The following PLSCR2 variants were observed in gnomAD, a reference collection of about 807,000 sequenced individuals.
The protein encoded by PLSCR2 is phospholipid scramblase 2.
In PLSCR2, 18 loss-of-function variants were observed where a neutral mutation model predicts 25.3. The ratio of observed to expected loss-of-function variants is 0.71; its 90% CI spans 0.49 to 1.06. The LOEUF (loss-of-function observed/expected upper bound fraction) is 1.06. Among genes scored for constraint, PLSCR2 ranks in the 50% least tolerant of loss-of-function variants. The probability of loss-of-function intolerance (pLI) is 0.00; values close to 1 mark genes in which losing one functional copy is unlikely to be tolerated. For synonymous variants in PLSCR2, 88 were observed against 87.3 expected (o/e 1.01, Z -0.04); for missense variants, 243 against 269.5 (o/e 0.90, Z 0.69).
intron 2 of PLSCR2, among the ~76,000 whole-genome samples, chr3:146,414,001 AGAAGGTG>A (rs71633965): frequency 0.52 from 78,291 of 151,316 alleles, 20,524 homozygotes; most frequent in South Asian, 0.71. Flanking sequence ...GTGAAGTCCA[AGAAGGTG>A]GAAGGTGGGG....
chr3:146,479,147 T>A (rs1576726610), intron 1 of PLSCR2, among the ~76,000 whole-genome samples: 1 of 152,012 alleles, frequency 6.6e-6, no homozygotes, highest in African/African-American at 2.4e-5. Context: ...CATGCCAAAT[T>A]ATAAAGACCA....
intron 2 of PLSCR2, among the ~76,000 whole-genome samples, chr3:146,410,111 G>A (rs929062245): frequency 1.3e-5 from 2 of 150,652 alleles, no homozygotes; most frequent in African/African-American, 4.9e-5. Context: ...AAGGGTTCAA[G>A]GAGTGAGAGC....
intron 2 of PLSCR2, among the ~76,000 whole-genome samples, chr3:146,412,167 C>T (rs754214492): frequency 6.6e-6 from 1 of 152,082 alleles, no homozygotes; most frequent in Non-Finnish European, 1.5e-5. Flanking sequence ...AGTTTTAGTC[C>T]ACCCAGTAGC....
intron 2 of PLSCR2, among the ~76,000 whole-genome samples, chr3:146,425,525 TGGAAGTG>T (rs1190608596): frequency 6.6e-6 from 1 of 152,158 alleles, no homozygotes; most frequent in Non-Finnish European, 1.5e-5. Context: ...CAACTGTATC[TGGAAGTG>T]GGGTGCTGCA....
intron 2 of PLSCR2, among the ~76,000 whole-genome samples, chr3:146,397,782 T>A (rs563677030): frequency 6.6e-6 from 1 of 152,218 alleles, no homozygotes; most frequent in African/African-American, 2.4e-5. Flanking sequence ...TTATGCATAG[T>A]CTACTCTGTT....
intron 2 of PLSCR2, among the ~76,000 whole-genome samples, chr3:146,420,682 T>C (rs1375473225): frequency 7.2e-5 from 11 of 152,226 alleles, no homozygotes; most frequent in African/African-American, 2.6e-4. Context: ...AATTTTTAAA[T>C]ATTGTCATGA....
At chr3:146,460,177 A>G (rs2041483196) in exon 1 of PLSCR2, 22 of 1,396,144 alleles carry the variant, frequency 1.6e-5, no homozygotes, top group Non-Finnish European at 2.1e-5. Flanking sequence ...CTGACCTCTC[A>G]GCTCAGAAGT....
chr3:146,458,811 T>G (rs985426974), intron 2 of PLSCR2, among the ~76,000 whole-genome samples: 2 of 152,100 alleles, frequency 1.3e-5, no homozygotes, highest in African/African-American at 4.8e-5. Context: ...GTTATTCATT[T>G]TACATCTACT....
At chr3:146,399,897 A>G (rs1028972987) in intron 2 of PLSCR2, among the ~76,000 whole-genome samples, 1 of 151,764 alleles carries the variant, frequency 6.6e-6, no homozygotes. Flanking sequence ...TGCTAAGTCA[A>G]TATGGTGGTA....
intron 1 of PLSCR2, chr3:146,494,747 A>C (rs2108594133): frequency 6.6e-6 from 1 of 152,336 alleles, no homozygotes. Flanking sequence ...TTAGTTGGAA[A>C]GTTCTCCTGA....
downstream of PLSCR2, among the ~76,000 whole-genome samples, chr3:146,430,798 C>T (rs868071988): frequency 2.0e-5 from 3 of 150,944 alleles, no homozygotes; most frequent in Non-Finnish European, 2.9e-5. Context: ...CAGGCAGTCA[C>T]ATCTCTTAGC....
intron 1 of PLSCR2, among the ~76,000 whole-genome samples, chr3:146,489,760 C>G (rs2043477130): frequency 6.6e-6 from 1 of 152,096 alleles, no homozygotes; most frequent in African/African-American, 2.4e-5. Context: ...TTTGCCATTA[C>G]AGAAGACCCA....
At chr3:146,413,670 G>A (rs892400941) in intron 2 of PLSCR2, among the ~76,000 whole-genome samples, 1 of 152,126 alleles carries the variant, frequency 6.6e-6, no homozygotes, top group Non-Finnish European at 1.5e-5. Context: ...CATCAGAATT[G>A]CCTTTACTGT....
chr3:146,420,653 G>C (rs1389431730), intron 2 of PLSCR2, among the ~76,000 whole-genome samples: 1 of 151,906 alleles, frequency 6.6e-6, no homozygotes, highest in Non-Finnish European at 1.5e-5. Context: ...ATTGCTGCTG[G>C]TGAACATGAA....
chr3:146,492,555 T>G (rs1393026999), intron 1 of PLSCR2, among the ~76,000 whole-genome samples: 1 of 151,928 alleles, frequency 6.6e-6, no homozygotes, highest in Non-Finnish European at 1.5e-5. Flanking sequence ...GACTTTTGGG[T>G]AAAGAATAAA....
chr3:146,455,841 T>C (rs959789987), intron 3 of PLSCR2, among the ~76,000 whole-genome samples: 3 of 152,160 alleles, frequency 2.0e-5, no homozygotes, highest in African/African-American at 4.8e-5. Context: ...GAGAGGAATA[T>C]AGGATGATTG....
rs145186897 is a variant in PLSCR2, at chr3:146,477,981, C to G, written c.-292-17697G>C. Among the ~76,000 whole-genome samples the G allele has an allele frequency of 3.5e-3, 528 of 152,274 alleles. 5 individuals are homozygous for G. The highest frequency in any genetic ancestry group is 0.012 in the African/African-American group (509 of 41,558). ...CAGGCAAACAGCGTCTGGAGTGGAC[C>G]TCCAGCAAACTCCAACAGACCTGCA... is the stretch of plus-strand genomic sequence containing the variant. On this transcript the variant is annotated intron_variant, in intron 1 of 8. Coordinates refer to the PLSCR2 transcript ENST00000336685.
intron 2 of PLSCR2, among the ~76,000 whole-genome samples, chr3:146,402,208 G>A (rs765651305): frequency 1.3e-5 from 2 of 152,000 alleles, no homozygotes; most frequent in Non-Finnish European, 2.9e-5. Context: ...CCCTATTGAG[G>A]ATTACTATGT....
chr3:146,422,051 G>T (rs1372765976), intron 2 of PLSCR2, among the ~76,000 whole-genome samples: 1 of 152,040 alleles, frequency 6.6e-6, no homozygotes, highest in Non-Finnish European at 1.5e-5. Flanking sequence ...AGCTCTCAGA[G>T]ACATACAAGT....
Sources: allele counts gnomAD v4.1 joint callset (sites outside exome capture counted in the v4.1 genomes callset), GRCh38; gene constraint gnomAD v4.1.1; transcripts MANE v1.5; gene names NCBI Gene and HGNC (gene_info 2026-07-23, HGNC 2026-07-21).